The following EPB41L1 variants were observed in gnomAD, a reference collection of about 807,000 sequenced individuals.
EPB41L1 encodes band 4.1-like protein 1.
Under a neutral mutation model 97.8 loss-of-function variants are expected in EPB41L1, and 29 were observed. The observed-to-expected ratio is 0.30, with a 90% CI of 0.22 to 0.40. The LOEUF (loss-of-function observed/expected upper bound fraction) is 0.40, where lower values mean the gene tolerates loss of function less well. Among genes scored for constraint, EPB41L1 ranks in the 10% least tolerant of loss-of-function variants. The pLI is 1.00. For missense variants in EPB41L1, 812 were observed against 1,162.3 expected, an observed-to-expected ratio of 0.70 and a Z score of 4.38; for synonymous variants, 383 against 459.2, an observed-to-expected ratio of 0.83 and a Z score of 2.12.
chr20:36,218,940 C>T lies in EPB41L1; in HGVS notation c.2333C>T (p.Thr778Met), dbSNP rs141631788. The change falls in exon 18 of 22, where the codon ACG (threonine) becomes ATG (methionine). Residue 778 changes from threonine to methionine, a missense_variant. This residue lies in a region of EPB41L1 where 498 missense variants were observed against 622.7 expected (regional missense o/e 0.80). Coordinates refer to ENST00000338074, the MANE Select transcript of EPB41L1 (RefSeq NM_012156.2). ...AMIPGPQTVATEIRSLSPIIG... is the reference protein window; with the variant it reads ...AMIPGPQTVAMEIRSLSPIIG... ...ATCCCAGGCCCACAGACGGTGGCCA[C>T]GGAAATCCGTTCTCTTTCTCCGGTA... 14 of 1,614,082 alleles carry T rather than the reference C, an allele frequency of 8.7e-6. No homozygotes were observed. Among genetic ancestry groups the T allele is most frequent in the African/African-American group, 4.0e-5 (3 of 74,942 alleles).
At chr20:36,194,796 C>T (rs1346235042) in intron 12 of EPB41L1, among the ~76,000 whole-genome samples, 1 of 152,174 alleles carries the variant, frequency 6.6e-6, no homozygotes, top group African/African-American at 2.4e-5. Context: ...GGTGCACACA[C>T]ACAGTCCCAG....
intron 6 of EPB41L1, 83 bp downstream of exon 6, chr20:36,182,430 T>C: frequency 6.8e-7 from 1 of 1,465,822 alleles, no homozygotes; most frequent in South Asian, 1.1e-5. Flanking sequence ...ACACAGGCAG[T>C]ATGTGACAGC....
chr20:36,182,943 G>T (rs2061528636), intron 6 of EPB41L1, among the ~76,000 whole-genome samples: 1 of 152,164 alleles, frequency 6.6e-6, no homozygotes, highest in African/African-American at 2.4e-5. Context: ...GTGGGGCTTA[G>T]GACTCCCCAC....
chr20:36,182,029 T>G (rs2061490748), intron 5 of EPB41L1, among the ~76,000 whole-genome samples: 1 of 152,240 alleles, frequency 6.6e-6, no homozygotes, highest in Non-Finnish European at 1.5e-5. Context: ...GTGCCTGGCA[T>G]GCAGCGTCAG....
At chr20:36,162,712 C>T (rs1402750447) in intron 1 of EPB41L1, among the ~76,000 whole-genome samples, 1 of 152,230 alleles carries the variant, frequency 6.6e-6, no homozygotes, top group Non-Finnish European at 1.5e-5. Flanking sequence ...ACGTGGTCCC[C>T]AGCCCACCAC....
chr20:36,181,501 A>T (rs189190503), intron 5 of EPB41L1, among the ~76,000 whole-genome samples: 4 of 152,206 alleles, frequency 2.6e-5, no homozygotes, highest in Admixed American at 2.6e-4. Flanking sequence ...TTAGCCCATT[A>T]TATTTACCTT....
intron 13 of EPB41L1, among the ~76,000 whole-genome samples, chr20:36,196,994 C>T (rs74968194): frequency 0.027 from 4,153 of 152,320 alleles, 82 homozygotes; most frequent in South Asian, 0.066. Flanking sequence ...TTGTGCCCAG[C>T]TGTGGGACTT....
intron 2 of EPB41L1, among the ~76,000 whole-genome samples, chr20:36,124,929 G>A (rs1041919678): frequency 1.3e-5 from 2 of 152,120 alleles, no homozygotes; most frequent in African/African-American, 4.8e-5. Flanking sequence ...TACATGGTGG[G>A]TAGGGGAGGC....
chr20:36,179,959 G>A (rs1013000435), intron 5 of EPB41L1, among the ~76,000 whole-genome samples: 35 of 152,312 alleles, frequency 2.3e-4, no homozygotes, highest in African/African-American at 3.1e-4. Context: ...TAAAGGGATC[G>A]GAAAACATAT....
chr20:36,120,818 G>A (rs1026860822), intron 2 of EPB41L1, among the ~76,000 whole-genome samples: 2 of 152,098 alleles, frequency 1.3e-5, no homozygotes, highest in Non-Finnish European at 2.9e-5. Context: ...CTATGGTCTG[G>A]ATGTTAGTGT....
intron 4 of EPB41L1, among the ~76,000 whole-genome samples, 191 bp downstream of exon 4, chr20:36,178,247 C>G (rs1333447502): frequency 1.3e-5 from 2 of 152,192 alleles, no homozygotes; most frequent in African/African-American, 4.8e-5. Context: ...CAGGTCACCC[C>G]CAGATGAGAA....
chr20:36,224,464 G>A (rs919036060), intron 21 of EPB41L1, among the ~76,000 whole-genome samples: 2 of 152,044 alleles, frequency 1.3e-5, no homozygotes, highest in Non-Finnish European at 2.9e-5. Context: ...CCTGACCAAC[G>A]TGGTGAAACC....
In EPB41L1 at chr20:36,093,507, C is replaced by A. The variant is rs2147437189; in HGVS notation, c.-65+1895C>A. ...CCGCCGCTGGGAGCTGGGCACCTGGCCTGGGCGGTGGGTGGCGGCGGCGGG... is the reference window on the plus strand; with the variant it reads ...CCGCCGCTGGGAGCTGGGCACCTGGACTGGGCGGTGGGTGGCGGCGGCGGG... On this transcript the variant is annotated intron_variant, in intron 1 of 19. Transcript: ENST00000202028. The surrounding 1 kb of genome is among the most constrained non-coding windows in gnomAD (Gnocchi z 5.4). Among the ~76,000 whole-genome samples, 1 of 152,030 alleles carries A rather than the reference C, an allele frequency of 6.6e-6. No homozygotes were observed. The highest frequency in any genetic ancestry group is 2.4e-5 in the African/African-American group (1 of 41,496).
intron 2 of EPB41L1, among the ~76,000 whole-genome samples, chr20:36,138,541 C>T (rs1465542731): frequency 6.6e-6 from 1 of 152,242 alleles, no homozygotes; most frequent in Non-Finnish European, 1.5e-5. Context: ...GGATCACAGG[C>T]ATGAGCCACC....
chr20:36,156,571 T>C (rs1027571685), intron 1 of EPB41L1, among the ~76,000 whole-genome samples: 2 of 152,152 alleles, frequency 1.3e-5, no homozygotes, highest in Non-Finnish European at 2.9e-5. Flanking sequence ...GCAGCTCAGG[T>C]GCTGGCTTCC....
rs2062867847 is a variant in EPB41L1 at position 36,207,179 on chromosome 20, TCAGG to T, written c.1669-2308_1669-2305del. ...CATGGGTCAGGGGAGCCTTCGGAGC[TCAGG>T]GAGCCCTTTCTTAGACATGTCCATC... On this transcript the variant is annotated intron_variant, in intron 14 of 21. Transcript: ENST00000338074. The surrounding 1 kb of genome is among the most constrained non-coding windows in gnomAD (Gnocchi z 4.9). The T allele has an allele frequency of 8.5e-6, 11 of 1,288,284 alleles. No individual in the cohort carries two copies. Among genetic ancestry groups the T allele is most frequent in the Non-Finnish European group, 1.1e-5 (11 of 987,766 alleles). The allele number at this position is 1,288,284 out of a possible 1,614,324, so 79.8% of individuals were successfully genotyped here.
intron 11 of EPB41L1, among the ~76,000 whole-genome samples, chr20:36,192,369 A>G (rs2061996837): frequency 6.6e-6 from 1 of 152,002 alleles, no homozygotes. Context: ...CGTCTCTACT[A>G]AAAATACAAA....
intron 2 of EPB41L1, among the ~76,000 whole-genome samples, chr20:36,146,791 G>A (rs1219294107): frequency 6.6e-6 from 1 of 151,934 alleles, no homozygotes; most frequent in Non-Finnish European, 1.5e-5. Flanking sequence ...GGTCTGGCTT[G>A]GGGGGTTATG....
At chr20:36,168,829 G>A (rs1450819846) in intron 1 of EPB41L1, among the ~76,000 whole-genome samples, 1 of 152,034 alleles carries the variant, frequency 6.6e-6, no homozygotes, top group East Asian at 2.0e-4. Context: ...TGGTATTACA[G>A]GCGTGAGCCG....
Sources: allele counts gnomAD v4.1 joint callset (sites outside exome capture counted in the v4.1 genomes callset), GRCh38; gene constraint gnomAD v4.1.1; regional missense constraint gnomAD v4.1.1; non-coding constraint Gnocchi (gnomAD v3.1); transcripts MANE v1.5; gene names NCBI Gene and HGNC (gene_info 2026-07-23, HGNC 2026-07-21).